TENM4: variants seen among roughly 807,000 people sequenced by gnomAD.
TENM4 encodes teneurin-4.
Under a neutral mutation model 243.3 loss-of-function variants are expected in TENM4, and 82 were observed. The ratio of observed to expected loss-of-function variants is 0.34; its 90% CI spans 0.28 to 0.40. The LOEUF is 0.40. Among genes scored for constraint, TENM4 ranks in the 10% least tolerant of loss-of-function variants. The pLI is 1.00. For missense variants in TENM4, 3,138 were observed against 3,673.3 expected (o/e 0.85, Z 3.77); for synonymous variants, 1,412 against 1,456.3 (o/e 0.97, Z 0.69).
chr11:78,955,519 C>T (rs1227248792), intron 6 of TENM4, among the ~76,000 whole-genome samples: 1 of 152,174 alleles, frequency 6.6e-6, no homozygotes, highest in South Asian at 2.1e-4. Context: ...AGCTAATGTG[C>T]CTTCCTCGGG....
intron 4 of TENM4, among the ~76,000 whole-genome samples, chr11:79,086,340 G>A (rs368147359): frequency 4.6e-5 from 7 of 152,344 alleles, no homozygotes; most frequent in African/African-American, 1.7e-4. Context: ...GTGAACCCAG[G>A]GGAGACTAGC....
At chr11:79,000,609 A>G (rs554678281) in intron 6 of TENM4, among the ~76,000 whole-genome samples, 5 of 152,378 alleles carry the variant, frequency 3.3e-5, no homozygotes, top group Middle Eastern at 3.4e-3. Context: ...AACCACTAAA[A>G]AAAATCCTCA....
chr11:79,126,290 C>T (rs920229891), intron 4 of TENM4, among the ~76,000 whole-genome samples: 3 of 152,188 alleles, frequency 2.0e-5, no homozygotes, highest in South Asian at 2.1e-4. Context: ...AAGATATACC[C>T]TTGACCAATG....
intron 32 of TENM4, among the ~76,000 whole-genome samples, chr11:78,664,290 G>T (rs1196730929): frequency 6.6e-6 from 1 of 151,786 alleles, no homozygotes; most frequent in Non-Finnish European, 1.5e-5. Flanking sequence ...TTTTGAGATG[G>T]GATCTTGCTC....
Position 78,684,204 on chromosome 11 carries a change from G to A in TENM4, c.5260+3850C>T, listed in dbSNP as rs371358326. Among the ~76,000 whole-genome samples, 253 of 152,360 alleles carry A rather than the reference G, an allele frequency of 1.7e-3. 2 individuals carry two copies. Among genetic ancestry groups the A allele is most frequent in the African/African-American group, 5.7e-3 (237 of 41,586 alleles). On this transcript the variant is annotated intron_variant, in intron 29 of 33. Transcript: ENST00000278550. ...GAGAGGCACTATGGCACAGAGATTA[G>A]GAGCTTGGCTTTGCAGCCAGGCTAC... is the stretch of plus-strand genomic sequence containing the variant.
At chr11:78,998,698 G>A (rs1858238069) in intron 6 of TENM4, among the ~76,000 whole-genome samples, 1 of 152,184 alleles carries the variant, frequency 6.6e-6, no homozygotes. Flanking sequence ...GGCTTACAAG[G>A]TCAGTGGGAG....
At chr11:79,172,706 C>T (rs1219428399) in intron 3 of TENM4, among the ~76,000 whole-genome samples, 1 of 150,518 alleles carries the variant, frequency 6.6e-6, no homozygotes, top group Admixed American at 6.6e-5. Context: ...TATCTGTCAC[C>T]CAGGCTGGAG....
Position 78,729,495 on chromosome 11 carries a change from G to T in TENM4, c.3287C>A (p.Ala1096Glu), listed in dbSNP as rs774139090. 5 of 1,613,570 alleles carry T rather than the reference G, an allele frequency of 3.1e-6. No homozygotes were observed. The highest frequency in any genetic ancestry group is 4.2e-6 in the Non-Finnish European group (5 of 1,179,768). Residue 1096 changes from alanine to glutamate, a missense_variant, in exon 22 of 34, where the codon GCG (alanine) becomes GAG (glutamate). Ala to Glu is a moderately radical substitution (Grantham distance 107). Around this residue, in one of 2 missense-constraint regions of TENM4, gnomAD observed 2,467 missense variants for 3,059.1 expected, o/e 0.81. Coordinates refer to ENST00000278550, the MANE Select transcript of TENM4 (RefSeq NM_001098816.3). Reference sequence around the variant, plus strand: ...CTTCCTGAAGAGGCGGCCCTCCACCGCTACCATGAGGTGCACCTTCATGAG... The same window carrying T: ...CTTCCTGAAGAGGCGGCCCTCCACCTCTACCATGAGGTGCACCTTCATGAG... ...FNLMKVHLMV[A>E]VEGRLFRKWF...
chr11:78,888,712 C>T (rs914737041), intron 9 of TENM4, among the ~76,000 whole-genome samples: 2 of 152,206 alleles, frequency 1.3e-5, no homozygotes, highest in Admixed American at 1.3e-4. Context: ...TCACAGTGGG[C>T]AGCACTGTCT....
chr11:79,041,026 G>T (rs1315450784), intron 6 of TENM4, among the ~76,000 whole-genome samples: 1 of 150,602 alleles, frequency 6.6e-6, no homozygotes, highest in East Asian at 2.0e-4. Flanking sequence ...GGAGTTAGAA[G>T]AATTTAAGAT....
intron 3 of TENM4, among the ~76,000 whole-genome samples, chr11:79,195,692 T>C (rs1863613148): frequency 6.6e-6 from 1 of 152,198 alleles, no homozygotes; most frequent in Admixed American, 6.5e-5. Flanking sequence ...TAGCTTGCTT[T>C]TGATTTTACA....
At chr11:79,030,589 A>G (rs1859202714) in intron 6 of TENM4, among the ~76,000 whole-genome samples, 1 of 152,012 alleles carries the variant, frequency 6.6e-6, no homozygotes, top group East Asian at 1.9e-4. Context: ...GTCCTCTCCA[A>G]TTTTAGAAAT....
intron 6 of TENM4, among the ~76,000 whole-genome samples, chr11:78,986,178 C>A (rs187234085): frequency 1.1e-4 from 17 of 152,204 alleles, no homozygotes; most frequent in Admixed American, 1.0e-3. Flanking sequence ...GAAATTCTAA[C>A]TTGGGTGTTG....
intron 4 of TENM4, among the ~76,000 whole-genome samples, chr11:79,074,041 G>A (rs1860478463): frequency 6.6e-6 from 1 of 152,164 alleles, no homozygotes; most frequent in African/African-American, 2.4e-5. Context: ...TCAAGGCAAA[G>A]GCTCAGTAAT....
chr11:79,013,453 C>A (rs193301266), intron 6 of TENM4, among the ~76,000 whole-genome samples: 225 of 152,354 alleles, frequency 1.5e-3, no homozygotes, highest in African/African-American at 5.1e-3. Context: ...TCCCCCAACC[C>A]CCTTCACTGT....
At chr11:79,234,594 G>T (rs1437605842) in intron 2 of TENM4, among the ~76,000 whole-genome samples, 1 of 152,224 alleles carries the variant, frequency 6.6e-6, no homozygotes, top group Admixed American at 6.5e-5. Context: ...CTCAGGGAAG[G>T]TCCCATGTGC....
chr11:79,027,085 G>C (rs778686616), intron 6 of TENM4, among the ~76,000 whole-genome samples: 9 of 152,188 alleles, frequency 5.9e-5, no homozygotes, highest in Non-Finnish European at 1.2e-4. Flanking sequence ...AGGCAGAGAA[G>C]AAGTAAATGT....
At position 79,438,774 on chromosome 11, in the gene TENM4, T is replaced by A. The variant is rs1374261896; in HGVS notation, c.-321+1735A>T. Reference sequence around the variant, plus strand: ...AAGACTTGGAGCTCTGAAGACCCAATGAAACCTCAGTTCTGACTGACTCCT... The same window carrying A: ...AAGACTTGGAGCTCTGAAGACCCAAAGAAACCTCAGTTCTGACTGACTCCT... On this transcript the variant is annotated intron_variant, in intron 1 of 33. Transcript: ENST00000278550. The surrounding 1 kb of genome is among the most constrained non-coding windows in gnomAD (Gnocchi z 4.1). Among the ~76,000 whole-genome samples, 1 of 152,184 alleles carries A rather than the reference T, an allele frequency of 6.6e-6. No individual in the cohort carries two copies. The highest frequency in any genetic ancestry group is 1.5e-5 in the Non-Finnish European group (1 of 68,030).
intron 1 of TENM4, among the ~76,000 whole-genome samples, chr11:79,384,090 C>A (rs1858060668): frequency 6.6e-6 from 1 of 152,142 alleles, no homozygotes; most frequent in Non-Finnish European, 1.5e-5. Context: ...GGCACACATG[C>A]CAGCCTGATG....
Sources: allele counts gnomAD v4.1 joint callset (sites outside exome capture counted in the v4.1 genomes callset), GRCh38; gene constraint gnomAD v4.1.1; regional missense constraint gnomAD v4.1.1; non-coding constraint Gnocchi (gnomAD v3.1); transcripts MANE v1.5; gene names NCBI Gene and HGNC (gene_info 2026-07-23, HGNC 2026-07-21).